Variants in ABCA13 observed in about 807,000 individuals in gnomAD.
The protein encoded by ABCA13 is ATP binding cassette subfamily A member 13.
ABCA13 carries 476 observed loss-of-function variants against 478.7 expected under a neutral mutation model. The ratio of observed to expected loss-of-function variants is 0.99; its 90% CI spans 0.92 to 1.07. ABCA13 has a LOEUF of 1.07. Ranked by LOEUF, ABCA13 falls within the 50% of genes least tolerant of loss-of-function variation. ABCA13 has a pLI of 0.00. For synonymous variants in ABCA13, 2,252 were observed against 2,158.9 expected (o/e 1.04, Z -1.20); for missense variants, 6,060 against 5,910.6 (o/e 1.03, Z -0.83).
chr7:48,351,224 C>T (rs1001974761), intron 30 of ABCA13, among the ~76,000 whole-genome samples: 3 of 152,194 alleles, frequency 2.0e-5, no homozygotes, highest in East Asian at 1.9e-4. Context: ...CTGGTTGGGG[C>T]GGAGAGCAGG....
intron 20 of ABCA13, among the ~76,000 whole-genome samples, chr7:48,289,655 G>A (rs532205881): frequency 5.9e-5 from 9 of 152,050 alleles, no homozygotes; most frequent in Admixed American, 3.3e-4. Context: ...CACCTCGCCC[G>A]GCCCCTCACA....
chr7:48,221,984 G>T (rs183747137), intron 5 of ABCA13, among the ~76,000 whole-genome samples: 49 of 152,288 alleles, frequency 3.2e-4, no homozygotes, highest in Admixed American at 2.4e-3. Context: ...GGACTTTGTA[G>T]TAACATTGCA....
chr7:48,410,383 A>T (rs946839427), intron 39 of ABCA13, 137 bp from the exon 40 acceptor site: 1 of 1,093,354 alleles, frequency 9.1e-7, no homozygotes, highest in African/African-American at 1.6e-5. Context: ...GCCAGGACGC[A>T]TTTCAATTTT....
chr7:48,617,344 G>A (rs1792685720), intron 59 of ABCA13, among the ~76,000 whole-genome samples: 1 of 152,162 alleles, frequency 6.6e-6, no homozygotes, highest in Non-Finnish European at 1.5e-5. Flanking sequence ...ACGTGAATAA[G>A]GAAGAGTAGG....
intron 1 of ABCA13, among the ~76,000 whole-genome samples, chr7:48,180,194 C>A (rs1317200639): frequency 1.3e-5 from 2 of 152,180 alleles, no homozygotes; most frequent in Non-Finnish European, 2.9e-5. Context: ...TAGGGACTGT[C>A]AGGAACTACT....
chr7:48,506,619 A>G (rs1367914229), intron 49 of ABCA13, among the ~76,000 whole-genome samples: 12 of 152,226 alleles, frequency 7.9e-5, no homozygotes, highest in Admixed American at 7.8e-4. Context: ...TTTGTCATGC[A>G]ACTGTACTTC....
chr7:48,186,383 T>C (rs1424249630), intron 1 of ABCA13, among the ~76,000 whole-genome samples: 1 of 152,092 alleles, frequency 6.6e-6, no homozygotes, highest in Non-Finnish European at 1.5e-5. Context: ...TCTGGGTTCT[T>C]ATTTTTGATG....
rs11392411 is a variant in ABCA13, at chr7:48,629,575, CAAAAAAAAA to C, written c.14838-13699_14838-13691del. On this transcript the variant is annotated intron_variant, in intron 59 of 61. Coordinates refer to ENST00000435803, the MANE Select transcript of ABCA13 (RefSeq NM_152701.5). Reference sequence around the variant, plus strand: ...TCCTAAAGCATCAGTTACATTTTGGCAAAAAAAAAAAAAAAAAAAAAAGCTGCAAAGTCC... The same window carrying C: ...TCCTAAAGCATCAGTTACATTTTGGCAAAAAAAAAAAAAGCTGCAAAGTCC... 8.8e-4 allele frequency among the ~76,000 whole-genome samples: 59 copies of C among 66,960 alleles called. No homozygotes were observed. In the East Asian group the frequency reaches 0.013, roughly 14 times the overall value. The allele number at this position is 66,960 out of a possible 152,430, so 43.9% of individuals were successfully genotyped here.
chr7:48,241,967 C>T (rs1434499937), intron 10 of ABCA13, among the ~76,000 whole-genome samples: 6 of 152,084 alleles, frequency 3.9e-5, no homozygotes, highest in South Asian at 4.1e-4. Flanking sequence ...GTTCCCTATC[C>T]GGGCCATAAA....
intron 29 of ABCA13, among the ~76,000 whole-genome samples, chr7:48,348,218 T>G (rs1808402581): frequency 6.6e-6 from 1 of 152,162 alleles, no homozygotes; most frequent in African/African-American, 2.4e-5. Context: ...TGGTGGGCCT[T>G]ACAGTGGCTC....
intron 18 of ABCA13, 34 bp from the exon 19 acceptor site, chr7:48,281,309 C>G (rs1284005851): frequency 1.3e-6 from 2 of 1,544,794 alleles, no homozygotes; most frequent in Non-Finnish European, 1.8e-6. Context: ...ACATTTTTAC[C>G]CTTTTATGTC....
chr7:48,597,568 T>A (rs548318960), intron 58 of ABCA13, among the ~76,000 whole-genome samples: 1 of 152,334 alleles, frequency 6.6e-6, no homozygotes, highest in East Asian at 1.9e-4. Context: ...TCAGTATATG[T>A]TCCCAGCAAC....
At chr7:48,335,342 C>A in intron 27 of ABCA13, 80 bp from the exon 28 acceptor site, 2 of 1,045,548 alleles carry the variant, frequency 1.9e-6, no homozygotes, top group Non-Finnish European at 2.8e-6. Context: ...GTGGCCACAT[C>A]ATATACAGTC....
At chr7:48,377,732 C>G (rs1643948014) in intron 35 of ABCA13, among the ~76,000 whole-genome samples, 1 of 152,002 alleles carries the variant, frequency 6.6e-6, no homozygotes, top group African/African-American at 2.4e-5. Context: ...GAAAATAAAA[C>G]TTAAGAAATA....
intron 49 of ABCA13, among the ~76,000 whole-genome samples, chr7:48,507,515 C>T (rs1831317281): frequency 6.6e-6 from 1 of 152,136 alleles, no homozygotes; most frequent in African/African-American, 2.4e-5. Flanking sequence ...TATTGCAAAG[C>T]AGTCCCTGTG....
chr7:48,463,954 C>A (rs1008518490), intron 43 of ABCA13, among the ~76,000 whole-genome samples: 1 of 152,126 alleles, frequency 6.6e-6, no homozygotes, highest in Non-Finnish European at 1.5e-5. Context: ...TTGTCTAAAT[C>A]AGAACCACTG....
At chr7:48,564,585 C>T (rs772220936) in intron 55 of ABCA13, among the ~76,000 whole-genome samples, 54 of 151,638 alleles carry the variant, frequency 3.6e-4, no homozygotes, top group Non-Finnish European at 7.1e-4. Flanking sequence ...AAAATATCAG[C>T]CAGGTAGAGA....
intron 7 of ABCA13, among the ~76,000 whole-genome samples, chr7:48,231,386 A>G (rs1318600665): frequency 6.6e-6 from 1 of 152,120 alleles, no homozygotes; most frequent in Non-Finnish European, 1.5e-5. Flanking sequence ...GGAAGAGAGA[A>G]GACTGTGAGA....
At chr7:48,644,589 C>CT (rs71006572) in intron 60 of ABCA13, 28 bp from the exon 61 acceptor site, 37,334 of 1,404,058 alleles carry the variant, frequency 0.027, 435 homozygotes, top group African/African-American at 0.1. Flanking sequence ...TTATATGATA[C>CT]TTTTTTTTTT....
Sources: gnomAD v4.1 joint callset for allele counts (sites outside exome capture counted in the v4.1 genomes callset) on GRCh38, gnomAD v4.1.1 for gene constraint, MANE v1.5 for transcripts, NCBI Gene and HGNC (gene_info 2026-07-23, HGNC 2026-07-21) for gene names.